The following PLEC variants were observed in gnomAD, a reference collection of about 807,000 sequenced individuals.
The protein encoded by PLEC is plectin.
A neutral mutation model predicts 392.8 loss-of-function variants in PLEC; 216 were observed. The ratio of observed to expected loss-of-function variants is 0.55; its 90% confidence interval spans 0.49 to 0.62. PLEC has a LOEUF of 0.62. PLEC is among the 20% of genes least tolerant of loss of function. The pLI, the probability that PLEC is intolerant of heterozygous loss-of-function variation, is 0.00. For missense variants in PLEC, 6,863 were observed against 6,563.4 expected, an observed-to-expected ratio of 1.05 and a Z score of -1.58; for synonymous variants, 3,621 against 2,980.6, an observed-to-expected ratio of 1.21 and a Z score of -7.00.
rs1554672851 is a variant in PLEC, at chr8:143,917,673, C to T, written c.12148G>A (p.Gly4050Ser). 6.2e-7 allele frequency: 1 copy of T among 1,613,660 alleles called. No individual in the cohort carries two copies. Among genetic ancestry groups the T allele is most frequent in the Non-Finnish European group, 8.5e-7 (1 of 1,180,028 alleles). Residue 4050 changes from glycine (G) to serine (S), a missense_variant, in exon 32 of 32, where the codon GGC becomes AGC. Transcript: ENST00000345136. The stretch of plus-strand genomic sequence containing the variant: ...CTCTCCTCAGGGTCGATGATGCCGC[C>T]CGTGGCGATCTGGGCCTCCAGCAGG... ...IRLLEAQIAT[G>S]GIIDPEESHR...
intron 1 of PLEC, among the ~76,000 whole-genome samples, chr8:143,959,544 G>A (rs553081875): frequency 6.6e-6 from 1 of 152,224 alleles, no homozygotes; most frequent in Non-Finnish European, 1.5e-5. Flanking sequence ...GCTCTGCCAG[G>A]AGACTCCTTA....
intron 1 of PLEC, chr8:143,944,810 G>C (rs1272703074): frequency 1.2e-6 from 1 of 832,976 alleles, no homozygotes; most frequent in South Asian, 4.7e-5. Context: ...GCAGCTTGTG[G>C]GGGAGGGGAG....
intron 1 of PLEC, among the ~76,000 whole-genome samples, 179 bp downstream of exon 1, chr8:143,939,171 G>A (rs1342193785): frequency 3.9e-5 from 6 of 152,202 alleles, no homozygotes; most frequent in African/African-American, 1.4e-4. Flanking sequence ...GGAGGCCCCC[G>A]TCAGCCTCGC....
At chr8:143,944,058 C>G, upstream of PLEC, 1 of 948,716 alleles carries the variant, frequency 1.1e-6, no homozygotes, top group Non-Finnish European at 1.5e-6. Flanking sequence ...CACAACAGCT[C>G]CCGCCCGCCT....
At chr8:143,956,597 A>C (rs1832608534), upstream of PLEC, among the ~76,000 whole-genome samples, 1 of 152,204 alleles carries the variant, frequency 6.6e-6, no homozygotes, top group Admixed American at 6.5e-5. Flanking sequence ...CATGGTTTCA[A>C]GCTAATGAGA....
rs561695435 is a variant in PLEC at position 143,968,727 on chromosome 8, A to G, written c.70+4676T>C. On this transcript the variant is annotated intron_variant, in intron 1 of 31. Transcript: ENST00000356346. ...ACACATTTCTCAAAAGATATAAAAAATGGCCAACAATCACACCAAAGTGTT... is the reference window on the plus strand; with the variant it reads ...ACACATTTCTCAAAAGATATAAAAAGTGGCCAACAATCACACCAAAGTGTT... 5.9e-5 allele frequency among the ~76,000 whole-genome samples: 9 copies of G among 152,324 alleles called. No homozygotes were observed. The South Asian group carries it at 1.9e-3, about 32-fold the overall frequency.
At position 143,922,795 on chromosome 8, in the gene PLEC, C is replaced by T. The variant is rs782127583; in HGVS notation, c.7134G>A (p.Met2378Ile). 12 of 1,594,358 alleles carry T rather than the reference C, an allele frequency of 7.5e-6. No individual in the cohort carries two copies. The highest frequency in any genetic ancestry group is 1.0e-5 in the Non-Finnish European group (12 of 1,173,536). The change falls in exon 31 of 32, where the codon ATG becomes ATA. Residue 2378 changes from methionine to isoleucine, a missense_variant. Physicochemically the swap from Met to Ile is conservative, Grantham distance 10. Coordinates refer to ENST00000345136, the MANE Select transcript of PLEC (RefSeq NM_201384.3). The part of the protein sequence containing the change: ...LEAERQRQLE[M>I]SAEAERLKLR... ...GCTTGAGGCGCTCAGCCTCAGCGCT[C>T]ATCTCCAGCTGCCGCTGCCGCTCGG...
At position 143,915,967 on chromosome 8, in the gene PLEC, G is replaced by A. The variant is rs1820377860; in HGVS notation, c.*210C>T. 1.8e-5 allele frequency: 8 copies of A among 448,206 alleles called. No individual in the cohort carries two copies. In the South Asian group the frequency reaches 2.7e-4, roughly 15 times the overall value. 27.8% of individuals were successfully genotyped at this position (448,206 alleles called of 1,614,324 possible). Reference sequence around the variant, plus strand: ...GAAGGGAGTGAGGAGACCCGAGGGGGTGAGGCGGCCAGCAGGGCTGGGCCA... The same window carrying A: ...GAAGGGAGTGAGGAGACCCGAGGGGATGAGGCGGCCAGCAGGGCTGGGCCA... On this transcript the variant is annotated 3_prime_UTR_variant, in exon 32 of 32. Coordinates refer to ENST00000345136, the MANE Select transcript of PLEC (RefSeq NM_201384.3).
At chr8:143,960,323 A>C (rs1832812488) in intron 1 of PLEC, among the ~76,000 whole-genome samples, 1 of 151,320 alleles carries the variant, frequency 6.6e-6, no homozygotes, top group African/African-American at 2.4e-5. Flanking sequence ...CAATAAAATA[A>C]AATAAAAACT....
At position 143,927,848 on chromosome 8, in the gene PLEC, C is replaced by G; in HGVS notation, c.3399+6G>C. ...CCGCCATGAAGCCCAAGCCTCGAAA[C>G]GATACCTTCAGAGAGGCCTTGGTGG... On this transcript the variant is annotated splice_donor_region_variant and intron_variant, in intron 26 of 31. Coordinates refer to ENST00000345136, the MANE Select transcript of PLEC (RefSeq NM_201384.3). 2 of 1,591,226 alleles carry G rather than the reference C, an allele frequency of 1.3e-6. No individual in the cohort carries two copies.
rs1407260713 is a variant in PLEC at position 143,932,195 on chromosome 8, T to C, written c.2017A>G (p.Lys673Glu). Residue 673 changes from lysine (K) to glutamate (E), a missense_variant, in exon 17 of 32, where the codon AAG becomes GAG. Transcript: ENST00000345136. ...CGGTCCCCAGCATTTTGGAGCTCCT[T>C]GATCTTCTTCTCCTTCAGCTCCAGC... ...RELELKEKKI[K>E]ELQNAGDRLL... 3.7e-6 allele frequency: 6 copies of C among 1,612,346 alleles called. No individual in the cohort carries two copies. The East Asian group carries it at 1.1e-4, about 30-fold the overall frequency.
rs782025277 is a variant in PLEC at position 143,923,736 on chromosome 8, G to A, written c.6193C>T (p.Leu2065=). 13 of 1,546,896 alleles carry A rather than the reference G, an allele frequency of 8.4e-6. No individual in the cohort carries two copies. The highest frequency in any genetic ancestry group is 4.8e-5 in the East Asian group (2 of 41,434). Residue 2065 remains leucine (L), a synonymous_variant, in exon 31 of 32, where the codon CTA becomes TTA. Coordinates refer to ENST00000345136, the MANE Select transcript of PLEC (RefSeq NM_201384.3). ...AFAVQQKEQE[L]QQTLQQEQSV... ...TGCTCCTGCTGCAGCGTCTGCTGTAGCTCCTGCTCCTTCTGCTGCACCGCG... is the reference window on the plus strand; with the variant it reads ...TGCTCCTGCTGCAGCGTCTGCTGTAACTCCTGCTCCTTCTGCTGCACCGCG...
At chr8:143,937,629 C>T in intron 3 of PLEC, 2 of 500,402 alleles carry the variant, frequency 4.0e-6, no homozygotes, top group Non-Finnish European at 7.7e-6. Context: ...GACACCCAAC[C>T]ACCTACCCGC....
intron 30 of PLEC, 132 bp downstream of exon 30, chr8:143,926,652 T>G (rs1586953741): frequency 1.2e-6 from 1 of 805,756 alleles, no homozygotes; most frequent in East Asian, 2.5e-5. Flanking sequence ...GGGCAGGGGG[T>G]GCTGGCAGCG....
At chr8:143,940,555 G>A (rs1309210852), upstream of PLEC, among the ~76,000 whole-genome samples, 3 of 152,188 alleles carry the variant, frequency 2.0e-5, no homozygotes, top group East Asian at 1.9e-4. Context: ...GGCTCCCTGG[G>A]GTCCGGGGCG....
chr8:143,926,738 T>A (rs1586954733), intron 30 of PLEC, 46 bp downstream of exon 30: 1 of 1,466,762 alleles, frequency 6.8e-7, no homozygotes, highest in Non-Finnish European at 9.5e-7. Context: ...ACACAACAGG[T>A]GGTGAGATGG....
chr8:143,923,902 C>T lies in PLEC; in HGVS notation c.6027G>A (p.Glu2009=), dbSNP rs1823883058. The T allele has an allele frequency of 6.3e-7, 1 of 1,595,108 alleles. No individual in the cohort carries two copies. Among genetic ancestry groups the T allele is most frequent in the Non-Finnish European group, 8.5e-7 (1 of 1,178,212 alleles). The part of the protein sequence containing the change: ...EAARQRKAAL[E]EVERLKAKVE... ...CCTTGGCTTTCAGCCGCTCGACTTC[C>T]TCCAGCGCCGCCTTCCGCTGCCGTG... is the stretch of plus-strand genomic sequence containing the variant. Residue 2009 remains glutamate (E), a synonymous_variant, in exon 31 of 32, where the codon GAG becomes GAA. Transcript: ENST00000345136.
rs1329355305 is a variant in PLEC at position 143,924,049 on chromosome 8, G to A, written c.5880C>T (p.Arg1960=). 6.3e-7 allele frequency: 1 copy of A among 1,596,174 alleles called. No homozygotes were observed. The highest frequency in any genetic ancestry group is 2.2e-5 in the East Asian group (1 of 44,706). Residue 1960 remains arginine, a synonymous_variant, in exon 31 of 32, where the codon CGC becomes CGT. Transcript: ENST00000345136. The part of the protein sequence containing the change: ...RIRSNAEDTL[R]SKEQAELEAA... The stretch of plus-strand genomic sequence containing the variant: ...CCTCCAGCTCGGCCTGCTCCTTGCT[G>A]CGCAGCGTGTCCTCCGCGTTGCTGC...
rs781989753 is a variant in PLEC at position 143,922,415 on chromosome 8, G to C, written c.7426-20C>G. On this transcript the variant is annotated intron_variant, in intron 31 of 31. Transcript: ENST00000345136. ...CTGCATCTGCAGAAGAAGAGGGTGTGATCAGGGACCGCCAGCCCAGGAGCA... is the reference window on the plus strand; with the variant it reads ...CTGCATCTGCAGAAGAAGAGGGTGTCATCAGGGACCGCCAGCCCAGGAGCA... 1 of 1,600,632 alleles carries C rather than the reference G, an allele frequency of 6.2e-7. No individual in the cohort carries two copies. Among genetic ancestry groups the C allele is most frequent in the Non-Finnish European group, 8.5e-7 (1 of 1,179,922 alleles).
Sources: gnomAD v4.1 joint callset for allele counts (sites outside exome capture counted in the v4.1 genomes callset) on GRCh38, gnomAD v4.1.1 for gene constraint, MANE v1.5 for transcripts, NCBI Gene and HGNC (gene_info 2026-07-23, HGNC 2026-07-21) for gene names.